RGS6: variants seen among roughly 807,000 people sequenced by gnomAD.
RGS6 encodes regulator of G protein signaling 6, also known as regulator of G-protein signaling 6.
Under a neutral mutation model 78.5 loss-of-function variants are expected in RGS6, and 30 were observed. That is an observed-to-expected ratio of 0.38 (90% CI 0.29 to 0.52). The LOEUF (loss-of-function observed/expected upper bound fraction) is 0.52. Ranked by LOEUF, RGS6 falls within the 20% of genes least tolerant of loss-of-function variation. RGS6 has a pLI of 0.85. For synonymous variants in RGS6, 206 were observed against 206.0 expected (o/e 1.00, Z 0.00); for missense variants, 495 against 609.7 (o/e 0.81, Z 1.98).
chr14:72,615,149 T>C, the RGS6 span, among the ~76,000 whole-genome samples: 1 of 152,094 alleles, frequency 6.6e-6, no homozygotes, highest in Non-Finnish European at 1.5e-5. Context: ...AAGGGGCTGC[T>C]TCTGTCCCAG....
intron 17 of RGS6, among the ~76,000 whole-genome samples, chr14:72,549,381 C>G (rs969134775): frequency 6.6e-6 from 1 of 152,194 alleles, no homozygotes; most frequent in Non-Finnish European, 1.5e-5. Flanking sequence ...AACCATCGTG[C>G]AGTGAGCCCC....
intron 2 of RGS6, among the ~76,000 whole-genome samples, chr14:72,064,287 C>T (rs552410624): frequency 1.3e-5 from 2 of 152,090 alleles, no homozygotes; most frequent in East Asian, 3.9e-4. Flanking sequence ...GAGAGGAGGT[C>T]AAGTCAATGG....
At chr14:72,240,428 T>C (rs1004922193) in intron 2 of RGS6, among the ~76,000 whole-genome samples, 2 of 152,210 alleles carry the variant, frequency 1.3e-5, no homozygotes, top group African/African-American at 2.4e-5. Flanking sequence ...GCCATTTTAC[T>C]GAGGGCACAC....
At chr14:72,580,844 G>A in the RGS6 span, among the ~76,000 whole-genome samples, 1 of 152,176 alleles carries the variant, frequency 6.6e-6, no homozygotes, top group African/African-American at 2.4e-5. Context: ...AGTGAGCAGG[G>A]TCTGCCAGGA....
intron 12 of RGS6, among the ~76,000 whole-genome samples, chr14:72,485,312 G>T (rs1292664987): frequency 2.0e-5 from 3 of 152,110 alleles, no homozygotes; most frequent in Non-Finnish European, 4.4e-5. Context: ...ACTGTTATAT[G>T]CTGGACATCC....
intron 8 of RGS6, among the ~76,000 whole-genome samples, chr14:72,472,553 T>C (rs1288414684): frequency 1.3e-5 from 2 of 152,270 alleles, no homozygotes; most frequent in Non-Finnish European, 2.9e-5. Context: ...ATTCAGTTTT[T>C]AATAATCCAA....
rs116803248 is a variant in RGS6 at position 72,437,698 on chromosome 14, T to C, written c.185-16830T>C. On this transcript the variant is annotated intron_variant, in intron 3 of 17. Coordinates refer to ENST00000553525, the MANE Select transcript of RGS6 (RefSeq NM_001204424.2). ...CTGAACAGAAGACCGTTTCTCTTGG[T>C]CTGAAGTTGATCAATGTGAGAGGAA... 3.3e-3 allele frequency among the ~76,000 whole-genome samples: 503 copies of C among 152,326 alleles called. 2 individuals carry two copies. Among genetic ancestry groups the C allele is most frequent in the African/African-American group, 0.011 (465 of 41,578 alleles).
chr14:72,199,470 TAGAA>T (rs1323793108), intron 2 of RGS6, among the ~76,000 whole-genome samples: 2 of 152,344 alleles, frequency 1.3e-5, no homozygotes, highest in East Asian at 1.9e-4. Context: ...ATCTTTCTTT[TAGAA>T]AGAGTCTATG....
intron 1 of RGS6, among the ~76,000 whole-genome samples, chr14:71,953,900 C>T (rs1227204617): frequency 7.0e-6 from 1 of 143,602 alleles, no homozygotes; most frequent in East Asian, 2.1e-4. Context: ...TTTTGCTTGT[C>T]TGTGAAAGTC....
intron 3 of RGS6, among the ~76,000 whole-genome samples, chr14:72,362,980 G>A (rs2081760212): frequency 6.6e-6 from 1 of 152,172 alleles, no homozygotes; most frequent in African/African-American, 2.4e-5. Flanking sequence ...AAACATGCCA[G>A]GTTTCAGTAA....
In RGS6 at chr14:72,171,557, T is replaced by A. The variant is rs148883309; in HGVS notation, c.85-180538T>A. 3.1e-3 allele frequency among the ~76,000 whole-genome samples: 477 copies of A among 152,312 alleles called. 1 individual carries two copies. The highest frequency in any genetic ancestry group is 0.011 in the African/African-American group (460 of 41,572). On this transcript the variant is annotated intron_variant, in intron 2 of 17. Coordinates refer to ENST00000553525, the MANE Select transcript of RGS6 (RefSeq NM_001204424.2). The stretch of plus-strand genomic sequence containing the variant: ...TTTCCTTCACTTCTCACCTAAAATA[T>A]CTTGAGGGTGATCTGTGCTCAGATT...
intron 1 of RGS6, among the ~76,000 whole-genome samples, chr14:71,958,526 G>A (rs2092960166): frequency 6.6e-6 from 1 of 152,192 alleles, no homozygotes; most frequent in African/African-American, 2.4e-5. Context: ...GCCCAGTGGG[G>A]CTAAATATGT....
chr14:72,558,009 A>T (rs1483675279), intron 17 of RGS6, among the ~76,000 whole-genome samples: 1 of 151,866 alleles, frequency 6.6e-6, no homozygotes, highest in Non-Finnish European at 1.5e-5. Flanking sequence ...TTCTTTTGAG[A>T]TATAATTATG....
At chr14:72,256,611 A>G (rs762082458) in intron 2 of RGS6, among the ~76,000 whole-genome samples, 1 of 152,174 alleles carries the variant, frequency 6.6e-6, no homozygotes, top group Non-Finnish European at 1.5e-5. Context: ...GGTGGTTTTC[A>G]GTCCCTAAAC....
intron 17 of RGS6, chr14:72,540,494 A>G (rs1483091994): frequency 2.7e-6 from 4 of 1,507,430 alleles, no homozygotes; most frequent in Non-Finnish European, 3.5e-6. Context: ...CTCATCGAAA[A>G]AAAAAAAAAA....
Position 72,560,074 on chromosome 14 carries a change from T to C in RGS6, c.1423-2343T>C, listed in dbSNP as rs549754050. ...TGTCTCTGGGCTTTGAATGTACTCA[T>C]TGGCAACAGACTCTTATTCAGAAGC... On this transcript the variant is annotated intron_variant, in intron 17 of 17. Coordinates refer to ENST00000553525, the MANE Select transcript of RGS6 (RefSeq NM_001204424.2). Among the ~76,000 whole-genome samples, 4 of 152,156 alleles carry C rather than the reference T, an allele frequency of 2.6e-5. No homozygotes were observed. In the South Asian group the frequency reaches 6.2e-4, roughly 24 times the overall value.
chr14:72,611,741 T>G, the RGS6 span, among the ~76,000 whole-genome samples: 1 of 152,272 alleles, frequency 6.6e-6, no homozygotes, highest in East Asian at 1.9e-4. Flanking sequence ...ATCCAGTGCT[T>G]GGAAAAGCAG....
intron 2 of RGS6, among the ~76,000 whole-genome samples, chr14:72,338,355 C>T (rs2076408698): frequency 6.6e-6 from 1 of 152,078 alleles, no homozygotes; most frequent in Non-Finnish European, 1.5e-5. Context: ...AAAATGAGAG[C>T]CAAGAGAGTG....
At chr14:72,536,670 C>A (rs2097255032) in intron 16 of RGS6, among the ~76,000 whole-genome samples, 1 of 152,186 alleles carries the variant, frequency 6.6e-6, no homozygotes, top group Admixed American at 6.5e-5. Flanking sequence ...CCTCAGACTT[C>A]TCTCCCTGAC....
Sources: gnomAD v4.1 joint callset for allele counts (sites outside exome capture counted in the v4.1 genomes callset) on GRCh38, gnomAD v4.1.1 for gene constraint, MANE v1.5 for transcripts, NCBI Gene and HGNC (gene_info 2026-07-23, HGNC 2026-07-21) for gene names.